CALN1: variants seen among roughly 807,000 people sequenced by gnomAD.
CALN1 encodes calcium-binding protein 8.
CALN1 carries 17 observed loss-of-function variants against 30.6 expected under a neutral mutation model. The observed-to-expected ratio is 0.56, with a 90% CI of 0.38 to 0.83. The LOEUF is 0.83. Ranked by LOEUF, CALN1 falls within the 40% of genes least tolerant of loss-of-function variation. The probability of loss-of-function intolerance (pLI) is 0.00; values close to 1 mark genes in which losing one functional copy is unlikely to be tolerated. For synonymous variants in CALN1, 156 were observed against 131.4 expected (o/e 1.19, Z -1.28); for missense variants, 291 against 354.9 (o/e 0.82, Z 1.45).
chr7:72,246,062 T>C (rs1184447773), intron 3 of CALN1, among the ~76,000 whole-genome samples: 1 of 152,232 alleles, frequency 6.6e-6, no homozygotes, highest in Non-Finnish European at 1.5e-5. Flanking sequence ...TCTTCTCTAG[T>C]TCCAGAGTGC....
At chr7:72,122,780 C>T (rs1808484604) in intron 3 of CALN1, among the ~76,000 whole-genome samples, 1 of 152,166 alleles carries the variant, frequency 6.6e-6, no homozygotes, top group Admixed American at 6.5e-5. Flanking sequence ...TTCAATTCAA[C>T]TCAATTCAAC....
chr7:72,269,558 T>C (rs749601589), intron 3 of CALN1, among the ~76,000 whole-genome samples: 6 of 152,194 alleles, frequency 3.9e-5, no homozygotes, highest in Non-Finnish European at 8.8e-5. Context: ...AAAAACCTCA[T>C]TAGTACTCCA....
intron 6 of CALN1, among the ~76,000 whole-genome samples, chr7:71,805,149 C>G (rs987739207): frequency 2.0e-5 from 3 of 152,146 alleles, no homozygotes; most frequent in Non-Finnish European, 4.4e-5. Context: ...TCTTTAAGTT[C>G]CATCTCTGCC....
the CALN1 span, among the ~76,000 whole-genome samples, chr7:72,492,035 A>G: frequency 6.6e-6 from 1 of 152,174 alleles, no homozygotes; most frequent in Non-Finnish European, 1.5e-5. Flanking sequence ...TGCCCTCATC[A>G]TGCTCCCAAT....
rs74376367 is a variant in CALN1, at chr7:72,132,800, G to T, written c.245-26506C>A. 9.8e-3 allele frequency among the ~76,000 whole-genome samples: 1,489 copies of T among 152,192 alleles called. 23 individuals carry two copies. The highest frequency in any genetic ancestry group is 0.034 in the African/African-American group (1,412 of 41,540). On this transcript the variant is annotated intron_variant, in intron 3 of 6. Transcript: ENST00000395275. ...CAAGACAATGTAGCCCATCAGAAAA[G>T]TTAAAGTAGGGGTCCCCAACCCCCA...
At chr7:72,401,945 T>C (rs892152927) in intron 2 of CALN1, among the ~76,000 whole-genome samples, 3 of 152,168 alleles carry the variant, frequency 2.0e-5, no homozygotes, top group African/African-American at 7.2e-5. Context: ...CATCCTTTCA[T>C]TTATCCTAGG....
chr7:72,367,617 C>G (rs1442311693), intron 2 of CALN1, among the ~76,000 whole-genome samples: 1 of 152,028 alleles, frequency 6.6e-6, no homozygotes, highest in East Asian at 1.9e-4. Context: ...AGAGCAAGAC[C>G]CTGTCTCTAC....
chr7:72,185,682 A>C (rs10950303), intron 3 of CALN1, among the ~76,000 whole-genome samples: 150,695 of 152,240 alleles, frequency 0.99, 74,599 homozygotes, highest in Middle Eastern at 1. Flanking sequence ...TGGGAGGGAC[A>C]CAGTGGGAGA....
chr7:72,294,905 T>C (rs1798749382), intron 2 of CALN1, among the ~76,000 whole-genome samples: 1 of 152,156 alleles, frequency 6.6e-6, no homozygotes, highest in Non-Finnish European at 1.5e-5. Context: ...TGAAGGCTAA[T>C]TTAATGTGTG....
chr7:72,228,712 T>C (rs910087794), intron 3 of CALN1, among the ~76,000 whole-genome samples: 3 of 151,496 alleles, frequency 2.0e-5, no homozygotes, highest in African/African-American at 7.3e-5. Context: ...CAGCAAGCAC[T>C]CCACAAGTGT....
intron 4 of CALN1, among the ~76,000 whole-genome samples, chr7:72,074,338 G>A (rs1202297192): frequency 1.3e-5 from 2 of 152,152 alleles, no homozygotes; most frequent in Non-Finnish European, 2.9e-5. Flanking sequence ...TAGTCATAGC[G>A]GCAGGACCTC....
intron 3 of CALN1, among the ~76,000 whole-genome samples, chr7:72,244,959 G>A (rs1421335869): frequency 1.3e-5 from 2 of 151,970 alleles, no homozygotes; most frequent in Admixed American, 1.3e-4. Flanking sequence ...CCTCTAAATC[G>A]TGGTGTGGAG....
intron 4 of CALN1, among the ~76,000 whole-genome samples, chr7:72,057,179 TGAA>T (rs1261074397): frequency 1.2e-4 from 18 of 152,048 alleles, no homozygotes; most frequent in African/African-American, 4.3e-4. Flanking sequence ...ACGCCCGGCC[TGAA>T]GTAATCCTCC....
chr7:72,422,436 GT>G (rs1314490407), intron 1 of CALN1, among the ~76,000 whole-genome samples: 1 of 152,162 alleles, frequency 6.6e-6, no homozygotes, highest in African/African-American at 2.4e-5. Context: ...TTTTGATGAA[GT>G]CTTTTCAAGG....
intron 2 of CALN1, among the ~76,000 whole-genome samples, chr7:72,325,589 G>T (rs559660386): frequency 1.1e-3 from 170 of 152,242 alleles, no homozygotes; most frequent in African/African-American, 3.8e-3. Context: ...CAACGAGATT[G>T]AAACTCTGTC....
In CALN1 at chr7:72,419,038, C is replaced by T. The variant is rs1246673493; in HGVS notation, c.-225-6763G>A. ...GTAATCCCTTTGTTTTTTGGTTTGG[C>T]GGACCTCTACCCATTGAAAAGCCTA... On this transcript the variant is annotated intron_variant, in intron 1 of 6. Coordinates refer to the CALN1 transcript ENST00000395276. 4.6e-5 allele frequency among the ~76,000 whole-genome samples: 7 copies of T among 151,874 alleles called. 1 individual carries two copies. In the South Asian group the frequency reaches 1.0e-3, roughly 23 times the overall value.
intron 4 of CALN1, among the ~76,000 whole-genome samples, chr7:72,060,909 G>C (rs903119478): frequency 6.6e-6 from 1 of 152,150 alleles, no homozygotes; most frequent in Admixed American, 6.5e-5. Flanking sequence ...AAATAAACCT[G>C]TTTTCTTTAT....
At chr7:72,462,214 C>T in the CALN1 span, among the ~76,000 whole-genome samples, 4 of 150,346 alleles carry the variant, frequency 2.7e-5, no homozygotes, top group African/African-American at 1.0e-4. Context: ...CAGAGTCTCA[C>T]TCTGTCACCT....
chr7:72,077,447 T>C (rs1465412255), intron 4 of CALN1, among the ~76,000 whole-genome samples: 1 of 152,124 alleles, frequency 6.6e-6, no homozygotes, highest in Non-Finnish European at 1.5e-5. Context: ...CTAATTTTTG[T>C]ATTTTTAGTA....
Sources: gnomAD v4.1 joint callset for allele counts (sites outside exome capture counted in the v4.1 genomes callset) on GRCh38, gnomAD v4.1.1 for gene constraint, MANE v1.5 for transcripts, NCBI Gene and HGNC (gene_info 2026-07-23, HGNC 2026-07-21) for gene names.